COL4A6: variants seen among roughly 807,000 people sequenced by gnomAD.
COL4A6 encodes collagen type IV alpha 6 chain, also known as collagen alpha-6(IV) chain.
Under a neutral mutation model 126.7 loss-of-function variants are expected in COL4A6, and 59 were observed. The observed-to-expected ratio is 0.47, with a 90% CI of 0.38 to 0.58. The LOEUF (loss-of-function observed/expected upper bound fraction) is 0.58, where lower values mean the gene tolerates loss of function less well. Ranked by LOEUF, COL4A6 falls within the 20% of genes least tolerant of loss-of-function variation. The pLI, the probability that COL4A6 is intolerant of heterozygous loss-of-function variation, is 0.00. For missense variants in COL4A6, 1,285 were observed against 1,337.3 expected, an observed-to-expected ratio of 0.96 and a Z score of 0.61; for synonymous variants, 547 against 496.6, an observed-to-expected ratio of 1.10 and a Z score of -1.35.
chrX:108,398,992 G>A (rs2041028504), intron 2 of COL4A6, among the ~76,000 whole-genome samples: 1 of 111,670 alleles, frequency 9.0e-6, no homozygotes, highest in South Asian at 3.7e-4. Flanking sequence ...GTAAGTAGAA[G>A]GCTGTGAAGT....
At chrX:108,424,476 A>G (rs940167310) in intron 2 of COL4A6, among the ~76,000 whole-genome samples, 1 of 111,775 alleles carries the variant, frequency 8.9e-6, no homozygotes, top group African/African-American at 3.3e-5. Context: ...TAATATAGAT[A>G]TTAATTACTC....
At chrX:108,169,857 T>C (rs1217231153) in intron 36 of COL4A6, 88 bp downstream of exon 36, 1 of 927,868 alleles carries the variant, frequency 1.1e-6, no homozygotes, top group Admixed American at 2.8e-5. Context: ...GGATATGGGA[T>C]ACACCACAGT....
intron 23 of COL4A6, 123 bp from the exon 24 acceptor site, chrX:108,181,091 G>A: frequency 3.5e-6 from 2 of 575,471 alleles, no homozygotes; most frequent in Non-Finnish European, 5.5e-6. Context: ...CAGCAGCTGG[G>A]AGCCCACACT....
chrX:108,408,360 A>C (rs866105905), intron 2 of COL4A6, among the ~76,000 whole-genome samples: 1 of 104,388 alleles, frequency 9.6e-6, no homozygotes, highest in Non-Finnish European at 1.9e-5. Context: ...AAAGAAAGAA[A>C]GAAAGAACGA....
At chrX:108,261,143 A>C (rs987958575) in intron 3 of COL4A6, among the ~76,000 whole-genome samples, 2 of 111,682 alleles carry the variant, frequency 1.8e-5, no homozygotes, top group African/African-American at 6.5e-5. Flanking sequence ...GCCGCCCTAT[A>C]TGGTAGCCAC....
At chrX:108,261,205 A>G (rs1044857200) in intron 3 of COL4A6, among the ~76,000 whole-genome samples, 8 of 111,848 alleles carry the variant, frequency 7.2e-5, no homozygotes, top group South Asian at 3.7e-4. Flanking sequence ...TGAAATTTCA[A>G]TTTCTCAGCC....
rs1360247397 is a variant in COL4A6 at position 108,211,709 on chromosome X, T to C, written c.473A>G (p.Asp158Gly). The part of the protein sequence containing the change: ...GLPGQKGSKG[D>G]PVLAPGSFKG... ...GAAACTACCTGGAGCAAGGACAGGGTCACCTTTTGATCCTTTCTGACCAGG... is the reference window on the plus strand; with the variant it reads ...GAAACTACCTGGAGCAAGGACAGGGCCACCTTTTGATCCTTTCTGACCAGG... Residue 158 changes from aspartate to glycine, a missense_variant, in exon 7 of 45, where the codon GAC becomes GGC. Asp to Gly is a moderately conservative substitution (Grantham distance 94). Transcript: ENST00000334504. 8.3e-7 allele frequency: 1 copy of C among 1,210,374 alleles called. No individual in the cohort carries two copies.
At chrX:108,351,356 T>C (rs1238632266) in intron 2 of COL4A6, among the ~76,000 whole-genome samples, 2 of 111,241 alleles carry the variant, frequency 1.8e-5, no homozygotes, top group Admixed American at 1.9e-4. Flanking sequence ...ATTGTAGCAA[T>C]GTGTATAATT....
chrX:108,403,937 C>G (rs769666335), intron 2 of COL4A6, among the ~76,000 whole-genome samples: 1 of 111,513 alleles, frequency 9.0e-6, no homozygotes, highest in Non-Finnish European at 1.9e-5. Flanking sequence ...CACTATCGAT[C>G]TGGGACCATT....
At chrX:108,249,397 A>G (rs1466751347) in intron 3 of COL4A6, among the ~76,000 whole-genome samples, 2 of 111,532 alleles carry the variant, frequency 1.8e-5, no homozygotes, top group Non-Finnish European at 3.8e-5. Flanking sequence ...ATCTTTAGTT[A>G]TTGCTGATGA....
Position 108,170,602 on chromosome X carries a change from C to G in COL4A6, c.3493+7G>C. 1 of 1,184,763 alleles carries G rather than the reference C, an allele frequency of 8.4e-7. No individual in the cohort carries two copies. Among genetic ancestry groups the G allele is most frequent in the Non-Finnish European group, 1.1e-6 (1 of 875,195 alleles). On this transcript the variant is annotated splice_region_variant and intron_variant, in intron 35 of 44. Transcript: ENST00000334504. ...TTTCCCCACTGCCTGCTCCCAAATACACATACCTTTGGGTCCTATTAATCC... is the reference window on the plus strand; with the variant it reads ...TTTCCCCACTGCCTGCTCCCAAATAGACATACCTTTGGGTCCTATTAATCC...
chrX:108,407,166 A>G (rs1196083078), intron 2 of COL4A6, among the ~76,000 whole-genome samples: 1 of 112,274 alleles, frequency 8.9e-6, no homozygotes, highest in Non-Finnish European at 1.9e-5. Flanking sequence ...TGACTTTTAT[A>G]TGGTTGCTAA....
intron 3 of COL4A6, among the ~76,000 whole-genome samples, chrX:108,239,466 A>G (rs1306646290): frequency 1.8e-5 from 2 of 112,134 alleles, no homozygotes; most frequent in African/African-American, 6.5e-5. Flanking sequence ...TATGCTTAGC[A>G]TAATGTGGTA....
At chrX:108,211,043 G>A (rs931520383) in intron 7 of COL4A6, among the ~76,000 whole-genome samples, 12 of 111,859 alleles carry the variant, frequency 1.1e-4, no homozygotes, top group African/African-American at 3.9e-4. Flanking sequence ...ATGGACTCCT[G>A]CCCCACTCTG....
At chrX:108,161,595 C>CCCCCT in intron 42 of COL4A6, 24 bp downstream of exon 42, 1 of 744,287 alleles carries the variant, frequency 1.3e-6, no homozygotes, top group South Asian at 2.9e-5. Flanking sequence ...GCCCCGCCCG[C>CCCCCT]CTCCTAATGT....
At chrX:108,169,458 C>T (rs1028792343) in intron 37 of COL4A6, 37 bp downstream of exon 37, 2 of 1,206,920 alleles carry the variant, frequency 1.7e-6, no homozygotes, top group Non-Finnish European at 2.2e-6. Context: ...CCCAGCAAGG[C>T]CTCACTCAGC....
chrX:108,163,176 G>A, intron 40 of COL4A6, 138 bp from the exon 41 acceptor site: 1 of 499,579 alleles, frequency 2.0e-6, no homozygotes, highest in Admixed American at 4.3e-5. Flanking sequence ...GGTATCTCCA[G>A]GATGGCACTG....
chrX:108,270,080 T>G (rs1451202648), intron 3 of COL4A6, among the ~76,000 whole-genome samples: 1 of 112,189 alleles, frequency 8.9e-6, no homozygotes, highest in Non-Finnish European at 1.9e-5. Context: ...GAGTAGGGTT[T>G]GCATTCCAGC....
chrX:108,183,812 G>A (rs1169961828), intron 23 of COL4A6: 2 of 854,148 alleles, frequency 2.3e-6, no homozygotes, highest in Middle Eastern at 4.9e-4. Flanking sequence ...AACTAGGACA[G>A]AAGTTCCTTG....
Sources: allele counts gnomAD v4.1 joint callset (sites outside exome capture counted in the v4.1 genomes callset), GRCh38; gene constraint gnomAD v4.1.1; transcripts MANE v1.5; gene names NCBI Gene and HGNC (gene_info 2026-07-23, HGNC 2026-07-21).